The following KAT2B variants were observed in gnomAD, a reference collection of about 807,000 sequenced individuals.
The protein encoded by KAT2B is histone acetyltransferase KAT2B.
Under a neutral mutation model 105.9 loss-of-function variants are expected in KAT2B, and 36 were observed. The observed-to-expected ratio is 0.34, with a 90% CI of 0.26 to 0.45. The LOEUF (loss-of-function observed/expected upper bound fraction) is 0.45, where lower values mean the gene tolerates loss of function less well. KAT2B is among the 20% of genes least tolerant of loss of function. The probability of loss-of-function intolerance (pLI) is 1.00; values close to 1 mark genes in which losing one functional copy is unlikely to be tolerated. For synonymous variants in KAT2B, 397 were observed against 377.9 expected (o/e 1.05, Z -0.59); for missense variants, 820 against 1,021.6 (o/e 0.80, Z 2.69).
intron 1 of KAT2B, among the ~76,000 whole-genome samples, chr3:20,061,789 AATATATTATATATT>A (rs1160873672): frequency 1.5e-5 from 2 of 134,734 alleles, no homozygotes; most frequent in Admixed American, 8.2e-5. Flanking sequence ...TAATACATAA[AATATATTATATATT>A]ATATATTATA....
intron 1 of KAT2B, among the ~76,000 whole-genome samples, chr3:20,044,608 G>C (rs1298066059): frequency 6.6e-6 from 1 of 151,948 alleles, no homozygotes; most frequent in Non-Finnish European, 1.5e-5. Context: ...GTGGGGTGAG[G>C]GGCTTTGCAC....
chr3:20,142,772 A>G (rs1348584856), intron 13 of KAT2B, among the ~76,000 whole-genome samples: 1 of 140,018 alleles, frequency 7.1e-6, no homozygotes, highest in Non-Finnish European at 1.7e-5. Context: ...AGTCCAATGG[A>G]AACAGATTTG....
At chr3:20,115,652 G>A (rs1166812755) in intron 7 of KAT2B, among the ~76,000 whole-genome samples, 1 of 152,164 alleles carries the variant, frequency 6.6e-6, no homozygotes, top group Non-Finnish European at 1.5e-5. Context: ...ATAGTAAAAT[G>A]TACTCTTTTT....
At chr3:20,049,322 C>T (rs778713786) in intron 1 of KAT2B, among the ~76,000 whole-genome samples, 5 of 152,150 alleles carry the variant, frequency 3.3e-5, no homozygotes, top group Non-Finnish European at 7.4e-5. Flanking sequence ...TTGTAAAAAA[C>T]GTTCCATTGG....
intron 2 of KAT2B, among the ~76,000 whole-genome samples, chr3:20,085,308 G>A (rs907386272): frequency 1.3e-5 from 2 of 152,134 alleles, no homozygotes; most frequent in Non-Finnish European, 2.9e-5. Flanking sequence ...GTTTCCCAAA[G>A]GCTTCAGATT....
chr3:20,110,886 G>A (rs541935641), intron 5 of KAT2B, among the ~76,000 whole-genome samples: 2 of 151,994 alleles, frequency 1.3e-5, no homozygotes, highest in Non-Finnish European at 2.9e-5. Context: ...ATGCTGAGGT[G>A]CATTTTTGAC....
At chr3:20,046,669 G>C (rs1697816875) in intron 1 of KAT2B, among the ~76,000 whole-genome samples, 1 of 152,172 alleles carries the variant, frequency 6.6e-6, no homozygotes, top group South Asian at 2.1e-4. Context: ...TCCTCTGTTG[G>C]CTAAGGGCTG....
At chr3:20,105,155 G>A (rs897435572) in intron 5 of KAT2B, among the ~76,000 whole-genome samples, 1 of 151,988 alleles carries the variant, frequency 6.6e-6, no homozygotes, top group African/African-American at 2.4e-5. Flanking sequence ...TAAAGTGCTG[G>A]GATTAAAGGC....
At chr3:20,075,842 G>C (rs1698408373) in intron 2 of KAT2B, among the ~76,000 whole-genome samples, 1 of 149,290 alleles carries the variant, frequency 6.7e-6, no homozygotes, top group Non-Finnish European at 1.5e-5. Context: ...AAACCTGGGA[G>C]CAGAGGCTGC....
At chr3:20,082,921 A>G (rs1698545494) in intron 2 of KAT2B, among the ~76,000 whole-genome samples, 1 of 152,216 alleles carries the variant, frequency 6.6e-6, no homozygotes. Flanking sequence ...TACACAGGAG[A>G]TCAAATACAA....
At chr3:20,071,405 A>G (rs1256796248) in intron 1 of KAT2B, among the ~76,000 whole-genome samples, 2 of 152,246 alleles carry the variant, frequency 1.3e-5, no homozygotes, top group African/African-American at 2.4e-5. Flanking sequence ...TGAGAGTGAC[A>G]GAGTGCTAAG....
intron 1 of KAT2B, among the ~76,000 whole-genome samples, chr3:20,044,238 T>A (rs1697767172): frequency 6.6e-6 from 1 of 151,860 alleles, no homozygotes; most frequent in African/African-American, 2.4e-5. Flanking sequence ...CCCAGCACTT[T>A]GGGAGGCCGA....
chr3:20,044,299 A>G (rs1421878704), intron 1 of KAT2B, among the ~76,000 whole-genome samples: 1 of 151,974 alleles, frequency 6.6e-6, no homozygotes, highest in African/African-American at 2.4e-5. Flanking sequence ...TGGGCAATAT[A>G]GTGAGACTTC....
intron 12 of KAT2B, among the ~76,000 whole-genome samples, chr3:20,138,968 A>T (rs903161737): frequency 6.6e-6 from 1 of 152,126 alleles, no homozygotes; most frequent in African/African-American, 2.4e-5. Context: ...ATCATAGCTC[A>T]CTGCAGCCTC....
At chr3:20,132,567 T>C (rs970493219) in intron 11 of KAT2B, among the ~76,000 whole-genome samples, 1 of 152,204 alleles carries the variant, frequency 6.6e-6, no homozygotes, top group East Asian at 1.9e-4. Context: ...TAAATAAACA[T>C]TTGCTTATAA....
chr3:20,098,568 G>T (rs1304671437), intron 3 of KAT2B, among the ~76,000 whole-genome samples: 1 of 152,086 alleles, frequency 6.6e-6, no homozygotes, highest in Non-Finnish European at 1.5e-5. Context: ...TCATCTTATA[G>T]ATAAACTGAA....
At chr3:20,128,750 G>A (rs964120841) in intron 11 of KAT2B, among the ~76,000 whole-genome samples, 3 of 152,156 alleles carry the variant, frequency 2.0e-5, no homozygotes, top group Admixed American at 2.0e-4. Flanking sequence ...GCTCACACCT[G>A]TAATCCTAGC....
chr3:20,125,819 C>A, intron 9 of KAT2B, 86 bp from the exon 10 acceptor site: 1 of 1,096,196 alleles, frequency 9.1e-7, no homozygotes, highest in Non-Finnish European at 1.4e-6. Flanking sequence ...CTTATTAGAA[C>A]AAAGATGAGA....
intron 13 of KAT2B, among the ~76,000 whole-genome samples, chr3:20,144,551 A>T (rs553488525): frequency 2.0e-5 from 3 of 149,978 alleles, no homozygotes; most frequent in African/African-American, 7.3e-5. Flanking sequence ...GGCCTCCCAA[A>T]GTGCTGGGAT....
Sources: allele counts gnomAD v4.1 joint callset (sites outside exome capture counted in the v4.1 genomes callset), GRCh38; gene constraint gnomAD v4.1.1; transcripts MANE v1.5; gene names NCBI Gene and HGNC (gene_info 2026-07-23, HGNC 2026-07-21).